The following ANKFN1 variants were observed in gnomAD, a reference collection of about 807,000 sequenced individuals.
ANKFN1 encodes ankyrin repeat and fibronectin type III domain containing 1, also known as ankyrin repeat and fibronectin type-III domain-containing protein 1.
ANKFN1 carries 74 observed loss-of-function variants against 108.7 expected under a neutral mutation model. That is an observed-to-expected ratio of 0.68 (90% confidence interval 0.56 to 0.83). ANKFN1 has a LOEUF of 0.83. Among genes scored for constraint, ANKFN1 ranks in the 40% least tolerant of loss-of-function variants. ANKFN1 has a pLI of 0.00. For missense variants in ANKFN1, 1,505 were observed against 1,382.3 expected (o/e 1.09, Z -1.41); for synonymous variants, 547 against 516.2 (o/e 1.06, Z -0.81).
At chr17:56,138,167 T>G (rs1325339103) in intron 4 of ANKFN1, among the ~76,000 whole-genome samples, 1 of 152,166 alleles carries the variant, frequency 6.6e-6, no homozygotes, top group Non-Finnish European at 1.5e-5. Flanking sequence ...TACTGAGAGT[T>G]AACACTATGA....
At chr17:56,271,920 A>G (rs1178768423) in intron 3 of ANKFN1, among the ~76,000 whole-genome samples, 1 of 152,196 alleles carries the variant, frequency 6.6e-6, no homozygotes, top group Non-Finnish European at 1.5e-5. Flanking sequence ...GTTGTATAAT[A>G]TCAGATGTAT....
At chr17:56,263,205 A>G (rs1436547821) in intron 3 of ANKFN1, among the ~76,000 whole-genome samples, 1 of 152,226 alleles carries the variant, frequency 6.6e-6, no homozygotes, top group Non-Finnish European at 1.5e-5. Context: ...TTACATAGGC[A>G]GCCTGGGTAC....
chr17:56,513,711 A>T lies in ANKFN1; in HGVS notation c.*2442A>T, dbSNP rs2051839835. Reference sequence around the variant, plus strand: ...GCATTAATTTTAAACCTGCTATTTTATATTGGGGACATAAGGTTACTTTTT... The same window carrying T: ...GCATTAATTTTAAACCTGCTATTTTTTATTGGGGACATAAGGTTACTTTTT... On this transcript the variant is annotated 3_prime_UTR_variant, in exon 21 of 21. Transcript: ENST00000682825. Among the ~76,000 whole-genome samples the T allele has an allele frequency of 6.6e-6, 1 of 152,214 alleles. No homozygotes were observed. Among genetic ancestry groups the T allele is most frequent in the Admixed American group, 6.5e-5 (1 of 15,286 alleles).
At chr17:56,453,749 C>A (rs1384125986) in intron 11 of ANKFN1, among the ~76,000 whole-genome samples, 1 of 151,930 alleles carries the variant, frequency 6.6e-6, no homozygotes, top group Non-Finnish European at 1.5e-5. Context: ...TTCTACTTAA[C>A]ATTTATTCAA....
At chr17:56,435,765 T>C (rs2048911521) in intron 8 of ANKFN1, among the ~76,000 whole-genome samples, 1 of 151,822 alleles carries the variant, frequency 6.6e-6, no homozygotes, top group South Asian at 2.1e-4. Flanking sequence ...TTTTGATCAA[T>C]TGAATAAAAA....
At chr17:56,089,132 G>A (rs1235515698) in intron 4 of ANKFN1, among the ~76,000 whole-genome samples, 1 of 151,358 alleles carries the variant, frequency 6.6e-6, no homozygotes, top group Non-Finnish European at 1.5e-5. Context: ...GACTTTTCTT[G>A]TTTTGAAGAA....
chr17:56,444,096 G>A (rs1424762822), intron 10 of ANKFN1, among the ~76,000 whole-genome samples: 3 of 152,182 alleles, frequency 2.0e-5, no homozygotes, highest in African/African-American at 7.2e-5. Context: ...GAAGCGTCAT[G>A]TGTGGTAGGG....
intron 8 of ANKFN1, among the ~76,000 whole-genome samples, chr17:56,423,602 A>G (rs560891724): frequency 6.6e-6 from 1 of 152,014 alleles, no homozygotes; most frequent in East Asian, 1.9e-4. Flanking sequence ...ATTTTTTCAC[A>G]TGATTGTGCC....
chr17:56,243,088 G>A (rs1917708481), intron 3 of ANKFN1, among the ~76,000 whole-genome samples: 5 of 151,994 alleles, frequency 3.3e-5, no homozygotes, highest in Admixed American at 3.3e-4. Context: ...TCTCATTTAT[G>A]TTCACTTGTA....
chr17:56,204,695 A>G (rs905829515), intron 1 of ANKFN1, among the ~76,000 whole-genome samples: 7 of 152,288 alleles, frequency 4.6e-5, no homozygotes, highest in Admixed American at 3.3e-4. Flanking sequence ...CATAATATAG[A>G]CATTTCAAAA....
intron 6 of ANKFN1, among the ~76,000 whole-genome samples, chr17:56,356,303 T>C (rs764393774): frequency 6.6e-6 from 1 of 152,172 alleles, no homozygotes; most frequent in East Asian, 1.9e-4. Flanking sequence ...TTGACCACAA[T>C]GGCTGTGAGC....
chr17:56,386,912 A>G (rs1213413414), intron 8 of ANKFN1, among the ~76,000 whole-genome samples: 1 of 152,096 alleles, frequency 6.6e-6, no homozygotes, highest in African/African-American at 2.4e-5. Context: ...AAATTGTATC[A>G]TGATTTTACT....
At chr17:56,251,090 T>C (rs910881072) in intron 3 of ANKFN1, among the ~76,000 whole-genome samples, 7 of 152,188 alleles carry the variant, frequency 4.6e-5, no homozygotes, top group African/African-American at 1.2e-4. Context: ...AGCTGTCACA[T>C]AGAAAAAGTG....
intron 2 of ANKFN1, among the ~76,000 whole-genome samples, chr17:56,224,113 T>C (rs1882875719): frequency 2.0e-5 from 3 of 152,200 alleles, no homozygotes; most frequent in Non-Finnish European, 2.9e-5. Flanking sequence ...TGACATCACA[T>C]CCCTATGCCT....
chr17:56,313,431 C>G (rs2144456964), intron 3 of ANKFN1, among the ~76,000 whole-genome samples: 1 of 152,246 alleles, frequency 6.6e-6, no homozygotes, highest in African/African-American at 2.4e-5. Context: ...GCTCTGTTCC[C>G]CAAGCAGTGT....
intron 1 of ANKFN1, among the ~76,000 whole-genome samples, chr17:56,172,378 ATCT>A (rs1369996347): frequency 6.6e-6 from 1 of 152,164 alleles, no homozygotes; most frequent in East Asian, 1.9e-4. Flanking sequence ...TGCAAGCAGC[ATCT>A]TCTTCTCACT....
chr17:56,077,303 C>T (rs574986858), intron 4 of ANKFN1, among the ~76,000 whole-genome samples: 74 of 152,290 alleles, frequency 4.9e-4, no homozygotes, highest in African/African-American at 1.8e-3. Context: ...GAAATGCTTT[C>T]CTCTTGAGAC....
upstream of ANKFN1, among the ~76,000 whole-genome samples, chr17:56,149,089 C>T (rs1267813191): frequency 6.6e-6 from 1 of 151,982 alleles, no homozygotes; most frequent in East Asian, 1.9e-4. Flanking sequence ...CTTTCTGTTG[C>T]CTGAAGGTAA....
chr17:56,411,970 G>A (rs971295277), intron 8 of ANKFN1, among the ~76,000 whole-genome samples: 1 of 152,042 alleles, frequency 6.6e-6, no homozygotes, highest in Non-Finnish European at 1.5e-5. Context: ...TTATTCCTTG[G>A]CTTTGGTATC....
Sources: allele counts gnomAD v4.1 joint callset (sites outside exome capture counted in the v4.1 genomes callset), GRCh38; gene constraint gnomAD v4.1.1; transcripts MANE v1.5; gene names NCBI Gene and HGNC (gene_info 2026-07-23, HGNC 2026-07-21).